RAB27A: variants seen among roughly 807,000 people sequenced by gnomAD.
RAB27A encodes the protein ras-related protein Rab-27A.
Under a neutral mutation model 20.8 loss-of-function variants are expected in RAB27A, and 17 were observed. That is an observed-to-expected ratio of 0.82 (90% CI 0.56 to 1.23). RAB27A has a LOEUF of 1.23. RAB27A is among the 50% of genes most tolerant of loss of function. The pLI is 0.00. For missense variants in RAB27A, 277 were observed against 266.7 expected, an observed-to-expected ratio of 1.04 and a Z score of -0.27; for synonymous variants, 85 against 92.8, an observed-to-expected ratio of 0.92 and a Z score of 0.48.
intron 1 of RAB27A, among the ~76,000 whole-genome samples, chr15:55,285,062 A>C (rs1469104836): frequency 3.9e-5 from 6 of 152,254 alleles, no homozygotes; most frequent in African/African-American, 1.4e-4. Flanking sequence ...TTAAATGTGC[A>C]TTTTGGATAA....
At chr15:55,219,500 A>G (rs1457684777) in intron 6 of RAB27A, among the ~76,000 whole-genome samples, 1 of 152,192 alleles carries the variant, frequency 6.6e-6, no homozygotes, top group African/African-American at 2.4e-5. Flanking sequence ...CAGCAGCAAC[A>G]TCTAGAAACT....
chr15:55,265,493 G>A (rs2141082631), intron 2 of RAB27A, among the ~76,000 whole-genome samples: 1 of 152,152 alleles, frequency 6.6e-6, no homozygotes, highest in African/African-American at 2.4e-5. Flanking sequence ...ATAATGTGGG[G>A]AACGACTTTA....
At chr15:55,274,937 C>T (rs1288121853) in intron 1 of RAB27A, among the ~76,000 whole-genome samples, 1 of 150,182 alleles carries the variant, frequency 6.7e-6, no homozygotes, top group East Asian at 2.0e-4. Flanking sequence ...CACAGAGGTA[C>T]AAAGAATAAT....
intron 6 of RAB27A, among the ~76,000 whole-genome samples, chr15:55,212,759 G>A (rs979146562): frequency 8.5e-5 from 13 of 152,130 alleles, no homozygotes; most frequent in Non-Finnish European, 1.8e-4. Flanking sequence ...TCGATCTCCT[G>A]ACCTCGTGAT....
chr15:55,265,420 T>C (rs779998781), intron 2 of RAB27A, among the ~76,000 whole-genome samples: 1 of 151,904 alleles, frequency 6.6e-6, no homozygotes, highest in Non-Finnish European at 1.5e-5. Context: ...AGAATGTGAG[T>C]GTACAGGCAC....
At chr15:55,262,568 C>A in intron 2 of RAB27A, among the ~76,000 whole-genome samples, 1 of 147,770 alleles carries the variant, frequency 6.8e-6, no homozygotes, top group African/African-American at 2.5e-5. Context: ...TAGGTAAGAA[C>A]AAAACAAAAC....
chr15:55,298,238 G>A (rs889313877), intron 2 of RAB27A, among the ~76,000 whole-genome samples: 2 of 150,944 alleles, frequency 1.3e-5, no homozygotes, highest in Non-Finnish European at 2.9e-5. Context: ...GTTGTGGGCC[G>A]TATTGGGGAA....
At chr15:55,303,938 G>A (rs865940089) in intron 2 of RAB27A, among the ~76,000 whole-genome samples, 3,526 of 147,786 alleles carry the variant, frequency 0.024, 151 homozygotes, top group African/African-American at 0.086. Flanking sequence ...CCCTCTGCCC[G>A]GCCACCACCC....
chr15:55,297,762 G>T (rs1472230215), intron 2 of RAB27A, among the ~76,000 whole-genome samples: 1 of 152,192 alleles, frequency 6.6e-6, no homozygotes, highest in Non-Finnish European at 1.5e-5. Flanking sequence ...GTAATGGATT[G>T]TAACCCACAA....
At chr15:55,286,076 G>A (rs556377634) in intron 1 of RAB27A, among the ~76,000 whole-genome samples, 4 of 152,274 alleles carry the variant, frequency 2.6e-5, no homozygotes, top group Non-Finnish European at 5.9e-5. Flanking sequence ...GAAAAAAATG[G>A]ATGGAATAGT....
At position 55,203,314 on chromosome 15, in the gene RAB27A, T is replaced by C. The variant is rs575210261; in HGVS notation, c.*2193A>G. Reference sequence around the variant, plus strand: ...GTTATTCTAACACAAATACACCATATAGAATATGCCCTGATATGTAGCTGT... The same window carrying C: ...GTTATTCTAACACAAATACACCATACAGAATATGCCCTGATATGTAGCTGT... On this transcript the variant is annotated 3_prime_UTR_variant, in exon 7 of 7. Transcript: ENST00000336787. The C allele has an allele frequency of 2.0e-5, 3 of 152,232 alleles. No individual in the cohort carries two copies. Among genetic ancestry groups the C allele is most frequent in the African/African-American group, 4.8e-5 (2 of 41,518 alleles). The allele number at this position is 152,232 out of a possible 1,614,324, so 9.4% of individuals were successfully genotyped here.
intron 2 of RAB27A, among the ~76,000 whole-genome samples, chr15:55,249,912 T>C (rs1053941654): frequency 1.3e-5 from 2 of 152,220 alleles, no homozygotes; most frequent in African/African-American, 4.8e-5. Flanking sequence ...CTGGGATTCA[T>C]GAAAATACTT....
upstream of RAB27A, among the ~76,000 whole-genome samples, chr15:55,291,788 C>G (rs778477034): frequency 6.6e-6 from 1 of 152,094 alleles, no homozygotes; most frequent in African/African-American, 2.4e-5. Context: ...ACTCATTCAT[C>G]AAGTCAGGCA....
chr15:55,209,873 T>C (rs751239292), intron 6 of RAB27A, among the ~76,000 whole-genome samples: 236 of 9,876 alleles, frequency 0.024, 8 homozygotes, highest in East Asian at 0.049. Context: ...CATATATACA[T>C]ATATGTGTGT....
chr15:55,260,265 A>G (rs1384631968), intron 2 of RAB27A, among the ~76,000 whole-genome samples: 2 of 152,246 alleles, frequency 1.3e-5, no homozygotes, highest in African/African-American at 4.8e-5. Context: ...AGAATGACCA[A>G]AATCCAAAAC....
intron 3 of RAB27A, 81 bp downstream of exon 3, chr15:55,234,701 A>G: frequency 1.4e-6 from 2 of 1,444,050 alleles, no homozygotes; most frequent in Non-Finnish European, 9.7e-7. Flanking sequence ...TTGTCCTCCT[A>G]ATTCCTACAA....
chr15:55,310,634 A>G (rs967724065), intron 2 of RAB27A, among the ~76,000 whole-genome samples: 5 of 152,196 alleles, frequency 3.3e-5, no homozygotes, highest in East Asian at 3.9e-4. Flanking sequence ...CCTGAGGGCC[A>G]TGACTAAAGC....
intron 2 of RAB27A, chr15:55,260,094 C>A (rs1184618811): frequency 6.6e-5 from 10 of 152,152 alleles, no homozygotes; most frequent in Non-Finnish European, 8.8e-5. Context: ...ATGCATATTT[C>A]TCCATCTATT....
At chr15:55,223,434 G>A (rs541875287) in intron 6 of RAB27A, among the ~76,000 whole-genome samples, 115 of 151,936 alleles carry the variant, frequency 7.6e-4, no homozygotes, top group Middle Eastern at 3.4e-3. Flanking sequence ...GCTTGAACCC[G>A]GGAGGTGGAG....
Sources: gnomAD v4.1 joint callset for allele counts (sites outside exome capture counted in the v4.1 genomes callset) on GRCh38, gnomAD v4.1.1 for gene constraint, MANE v1.5 for transcripts, NCBI Gene and HGNC (gene_info 2026-07-23, HGNC 2026-07-21) for gene names.